Variants in CHCHD3 observed in about 807,000 individuals in gnomAD.
CHCHD3 encodes coiled-coil-helix-coiled-coil-helix domain containing 3.
CHCHD3 carries 20 observed loss-of-function variants against 38.2 expected under a neutral mutation model. The ratio of observed to expected loss-of-function variants is 0.52; its 90% CI spans 0.37 to 0.76. CHCHD3 has a LOEUF of 0.76. Among genes scored for constraint, CHCHD3 ranks in the 30% least tolerant of loss-of-function variants. The pLI, the probability that CHCHD3 is intolerant of heterozygous loss-of-function variation, is 0.00. For synonymous variants in CHCHD3, 82 were observed against 100.0 expected, an observed-to-expected ratio of 0.82 and a Z score of 1.07; for missense variants, 245 against 279.2, an observed-to-expected ratio of 0.88 and a Z score of 0.87.
intron 4 of CHCHD3, among the ~76,000 whole-genome samples, chr7:132,942,496 C>T (rs528621181): frequency 4.5e-4 from 68 of 152,254 alleles, no homozygotes; most frequent in Non-Finnish European, 7.2e-4. Context: ...AAGAAAATTA[C>T]TCAGTGTTAA....
At chr7:133,066,617 G>A (rs572259333) in intron 2 of CHCHD3, among the ~76,000 whole-genome samples, 1 of 152,222 alleles carries the variant, frequency 6.6e-6, no homozygotes, top group Non-Finnish European at 1.5e-5. Flanking sequence ...ATGGACCAAA[G>A]AGTTCATCAG....
intron 5 of CHCHD3, among the ~76,000 whole-genome samples, chr7:132,842,098 G>A (rs553881713): frequency 5.3e-5 from 8 of 150,838 alleles, no homozygotes; most frequent in East Asian, 1.9e-4. Flanking sequence ...ACTCCATCTC[G>A]AGAAAAAAAA....
rs572540131 is a variant in CHCHD3 at position 132,985,731 on chromosome 7, G to A, written c.252-10445C>T. Among the ~76,000 whole-genome samples the A allele has an allele frequency of 2.2e-3, 203 of 91,838 alleles. 40 individuals carry two copies. The highest frequency in any genetic ancestry group is 4.1e-3 in the Non-Finnish European group (178 of 43,082). 60.2% of individuals were successfully genotyped at this position (91,838 alleles called of 152,430 possible). ...CAGCCGCCCCATCCGGGAGGGAGGA[G>A]GGGAGGTCAGCCCCCCACCCGGCCA... On this transcript the variant is annotated intron_variant, in intron 3 of 7. Coordinates refer to ENST00000262570, the MANE Select transcript of CHCHD3 (RefSeq NM_017812.4).
chr7:132,836,194 A>G lies in CHCHD3; in HGVS notation c.524+2205T>C, dbSNP rs143387825. 6.0e-4 allele frequency among the ~76,000 whole-genome samples: 91 copies of G among 152,036 alleles called. 1 individual carries two copies. The East Asian group carries it at 0.015, about 26-fold the overall frequency. Reference sequence around the variant, plus strand: ...AATGGCATGATCTCAGCTCACTGCAACCTTTGCCTCTCGGATTCAAGCGAT... The same window carrying G: ...AATGGCATGATCTCAGCTCACTGCAGCCTTTGCCTCTCGGATTCAAGCGAT... On this transcript the variant is annotated intron_variant, in intron 6 of 7. Coordinates refer to ENST00000262570, the MANE Select transcript of CHCHD3 (RefSeq NM_017812.4).
At chr7:132,917,317 C>T (rs928339322) in intron 4 of CHCHD3, among the ~76,000 whole-genome samples, 4 of 152,114 alleles carry the variant, frequency 2.6e-5, no homozygotes, top group African/African-American at 9.7e-5. Flanking sequence ...TAATCCCATA[C>T]TCAGACATAA....
intron 3 of CHCHD3, among the ~76,000 whole-genome samples, chr7:133,017,331 G>A (rs1813057371): frequency 6.6e-6 from 1 of 152,186 alleles, no homozygotes. Context: ...AACATTACCT[G>A]TGTCTAACTC....
chr7:132,885,225 C>G (rs539098909), intron 5 of CHCHD3, among the ~76,000 whole-genome samples: 1 of 152,202 alleles, frequency 6.6e-6, no homozygotes, highest in African/African-American at 2.4e-5. Flanking sequence ...AGACTCCAGT[C>G]TGGGCGACAG....
intron 2 of CHCHD3, among the ~76,000 whole-genome samples, chr7:133,030,709 T>A (rs1343645401): frequency 1.3e-5 from 2 of 152,252 alleles, no homozygotes; most frequent in Non-Finnish European, 2.9e-5. Flanking sequence ...TCTGTACTTT[T>A]TAAAATTCTT....
At chr7:132,984,909 G>T (rs1812052478) in intron 3 of CHCHD3, among the ~76,000 whole-genome samples, 1 of 93,442 alleles carries the variant, frequency 1.1e-5, no homozygotes, top group Non-Finnish European at 2.3e-5. Flanking sequence ...GGGGGGGTCA[G>T]CCCCCCGCCC....
chr7:132,914,123 C>CGTGTGTGT (rs200561468), intron 4 of CHCHD3, among the ~76,000 whole-genome samples: 2,188 of 132,232 alleles, frequency 0.017, 41 homozygotes, highest in African/African-American at 0.045. Flanking sequence ...CCATGCCTGG[C>CGTGTGTGT]GTGTGTGTGT....
At chr7:132,804,489 A>C (rs4728265) in intron 6 of CHCHD3, among the ~76,000 whole-genome samples, 60,154 of 151,982 alleles carry the variant, frequency 0.4, 12,197 homozygotes, top group Middle Eastern at 0.51. Flanking sequence ...TCATTTGAGT[A>C]GTCCATGCAT....
chr7:133,047,050 G>A (rs1207721113), intron 2 of CHCHD3, among the ~76,000 whole-genome samples: 8 of 151,990 alleles, frequency 5.3e-5, no homozygotes, highest in Non-Finnish European at 7.4e-5. Flanking sequence ...TCATAGCCTC[G>A]GTTTCTTCGT....
At chr7:132,889,182 G>C (rs529957075) in intron 4 of CHCHD3, among the ~76,000 whole-genome samples, 1 of 152,130 alleles carries the variant, frequency 6.6e-6, no homozygotes, top group South Asian at 2.1e-4. Flanking sequence ...AACAGTTATA[G>C]ATAGCATGGA....
chr7:133,064,065 A>G (rs1381233823), intron 2 of CHCHD3, among the ~76,000 whole-genome samples: 1 of 152,186 alleles, frequency 6.6e-6, no homozygotes, highest in African/African-American at 2.4e-5. Context: ...TCTCACTCAC[A>G]TGTTGATTCA....
chr7:132,846,574 C>T (rs1397099042), intron 5 of CHCHD3, among the ~76,000 whole-genome samples: 1 of 152,144 alleles, frequency 6.6e-6, no homozygotes, highest in Admixed American at 6.5e-5. Flanking sequence ...CTGTGTGGTC[C>T]CCACCTAGTC....
intron 4 of CHCHD3, among the ~76,000 whole-genome samples, chr7:132,949,231 G>T (rs1810977240): frequency 6.6e-6 from 1 of 152,038 alleles, no homozygotes; most frequent in Non-Finnish European, 1.5e-5. Context: ...ATATTTCCTA[G>T]CTTCCCTTGA....
chr7:132,836,387 T>C (rs536167685), intron 6 of CHCHD3, among the ~76,000 whole-genome samples: 1 of 152,312 alleles, frequency 6.6e-6, no homozygotes, highest in Non-Finnish European at 1.5e-5. Context: ...CCCAAAGTGC[T>C]GGGATTACAG....
chr7:133,063,319 G>A (rs1204885062), intron 2 of CHCHD3, among the ~76,000 whole-genome samples: 3 of 152,102 alleles, frequency 2.0e-5, no homozygotes, highest in Non-Finnish European at 2.9e-5. Context: ...ATCCAGCCAA[G>A]CCCTCCTCTG....
At chr7:132,875,411 T>C (rs1174557323) in intron 5 of CHCHD3, among the ~76,000 whole-genome samples, 1 of 152,228 alleles carries the variant, frequency 6.6e-6, no homozygotes. Context: ...GGAACTTACC[T>C]ATTTAATGTT....
Sources: allele counts gnomAD v4.1 joint callset (sites outside exome capture counted in the v4.1 genomes callset), GRCh38; gene constraint gnomAD v4.1.1; transcripts MANE v1.5; gene names NCBI Gene and HGNC (gene_info 2026-07-23, HGNC 2026-07-21).